The following NRG3 variants were observed in gnomAD, a reference collection of about 807,000 sequenced individuals.
NRG3 encodes pro-neuregulin-3, membrane-bound isoform.
NRG3 carries 31 observed loss-of-function variants against 66.9 expected under a neutral mutation model. The ratio of observed to expected loss-of-function variants is 0.46; its 90% confidence interval spans 0.35 to 0.63. NRG3 has a LOEUF of 0.63. NRG3 is among the 20% of genes least tolerant of loss of function. The pLI is 0.00. For missense variants in NRG3, 910 were observed against 878.9 expected (o/e 1.04, Z -0.45); for synonymous variants, 393 against 359.4 (o/e 1.09, Z -1.06).
chr10:82,532,611 A>C (rs1490387280), intron 2 of NRG3, among the ~76,000 whole-genome samples: 1 of 148,410 alleles, frequency 6.7e-6, no homozygotes, highest in African/African-American at 2.5e-5. Flanking sequence ...ATATGTATAT[A>C]GTACTATATA....
chr10:82,797,549 G>A (rs975762244), intron 3 of NRG3, among the ~76,000 whole-genome samples: 11 of 152,000 alleles, frequency 7.2e-5, no homozygotes, highest in African/African-American at 1.9e-4. Context: ...AACTCCAGAA[G>A]CATCCATCAC....
intron 3 of NRG3, among the ~76,000 whole-genome samples, chr10:82,837,896 A>G (rs1039132707): frequency 3.9e-5 from 6 of 152,208 alleles, no homozygotes; most frequent in Non-Finnish European, 7.4e-5. Context: ...TAAGGCACTT[A>G]TAGGATCATC....
chr10:81,916,462 T>A (rs1845718437), intron 1 of NRG3, among the ~76,000 whole-genome samples: 1 of 152,210 alleles, frequency 6.6e-6, no homozygotes, highest in Non-Finnish European at 1.5e-5. Context: ...GAATTTGCAG[T>A]GTAGCTTTGG....
intron 1 of NRG3, among the ~76,000 whole-genome samples, chr10:82,168,753 AT>A (rs1420274550): frequency 6.6e-6 from 1 of 152,114 alleles, no homozygotes; most frequent in Non-Finnish European, 1.5e-5. Context: ...TCTTAACCAG[AT>A]TCACAGAAGT....
chr10:82,897,742 A>G (rs1843800587), intron 4 of NRG3, among the ~76,000 whole-genome samples: 1 of 151,840 alleles, frequency 6.6e-6, no homozygotes, highest in East Asian at 1.9e-4. Context: ...CTGGTCTCGA[A>G]CTCCAGACCT....
chr10:82,703,403 A>G (rs1722348455), intron 2 of NRG3, among the ~76,000 whole-genome samples: 1 of 152,136 alleles, frequency 6.6e-6, no homozygotes, highest in South Asian at 2.1e-4. Flanking sequence ...CTTGGATAAT[A>G]CCAAAAGAAC....
intron 1 of NRG3, among the ~76,000 whole-genome samples, chr10:82,082,467 A>T (rs977609569): frequency 2.0e-4 from 30 of 152,170 alleles, no homozygotes; most frequent in African/African-American, 6.3e-4. Flanking sequence ...TGCTAGATAG[A>T]GCCTGGGAAA....
At chr10:82,593,616 G>C (rs2047106006) in intron 2 of NRG3, among the ~76,000 whole-genome samples, 1 of 151,622 alleles carries the variant, frequency 6.6e-6, no homozygotes, top group Admixed American at 6.6e-5. Context: ...CTTAATTTAA[G>C]AATGAAATGT....
At chr10:82,250,684 A>T (rs1175455233) in intron 1 of NRG3, among the ~76,000 whole-genome samples, 2 of 152,190 alleles carry the variant, frequency 1.3e-5, no homozygotes, top group African/African-American at 2.4e-5. Context: ...GCTGAATTTT[A>T]TACCATTTTA....
chr10:82,499,247 TG>T (rs1590360528), intron 2 of NRG3, among the ~76,000 whole-genome samples: 2 of 152,292 alleles, frequency 1.3e-5, no homozygotes, highest in East Asian at 3.9e-4. Flanking sequence ...AGTTTGCTTT[TG>T]TTTTTTCAAA....
chr10:82,474,119 C>T (rs1322787604), intron 2 of NRG3, among the ~76,000 whole-genome samples: 1 of 151,908 alleles, frequency 6.6e-6, no homozygotes, highest in Non-Finnish European at 1.5e-5. Context: ...ATGCCTTCTT[C>T]TGCATGGACT....
chr10:82,507,845 T>G (rs1844827834), intron 2 of NRG3, among the ~76,000 whole-genome samples: 1 of 152,236 alleles, frequency 6.6e-6, no homozygotes, highest in South Asian at 2.1e-4. Context: ...TATTTATTAT[T>G]TGTCTGTTTC....
intron 1 of NRG3, among the ~76,000 whole-genome samples, chr10:81,882,695 G>C (rs1320504054): frequency 3.9e-5 from 6 of 152,180 alleles, no homozygotes; most frequent in Admixed American, 1.3e-4. Flanking sequence ...GAGCACATCA[G>C]ACTATTGAAT....
chr10:82,323,459 A>C (rs1271086187), intron 1 of NRG3, among the ~76,000 whole-genome samples: 1 of 151,588 alleles, frequency 6.6e-6, no homozygotes, highest in African/African-American at 2.4e-5. Flanking sequence ...CATACGTGGG[A>C]TAAACCTCAC....
intron 1 of NRG3, among the ~76,000 whole-genome samples, chr10:82,294,448 T>A (rs1053673790): frequency 3.3e-4 from 50 of 151,390 alleles, no homozygotes; most frequent in Non-Finnish European, 5.9e-4. Context: ...TGTGTGTGTG[T>A]GTGTGTGTGT....
intron 8 of NRG3, 143 bp from the exon 9 acceptor site, chr10:82,984,955 A>G (rs946623500): frequency 3.2e-6 from 4 of 1,264,470 alleles, no homozygotes; most frequent in Non-Finnish European, 4.6e-6. Flanking sequence ...TTCTCTGTTT[A>G]ACTGGGAACC....
intron 1 of NRG3, among the ~76,000 whole-genome samples, chr10:82,023,553 G>A (rs1214678495): frequency 6.6e-6 from 1 of 152,020 alleles, no homozygotes; most frequent in African/African-American, 2.4e-5. Flanking sequence ...TTTGTTGAGA[G>A]TTTTCATCAT....
chr10:82,968,905 T>C (rs568218224), intron 6 of NRG3, among the ~76,000 whole-genome samples: 64 of 152,132 alleles, frequency 4.2e-4, no homozygotes, highest in African/African-American at 1.5e-3. Flanking sequence ...TGGTGGAAGG[T>C]GGAAAGCACG....
intron 1 of NRG3, among the ~76,000 whole-genome samples, chr10:82,137,218 G>T (rs1345765945): frequency 6.6e-6 from 1 of 152,168 alleles, no homozygotes; most frequent in East Asian, 1.9e-4. Flanking sequence ...AGGTGTAGAA[G>T]AAAGGAAATA....
Sources: gnomAD v4.1 joint callset for allele counts (sites outside exome capture counted in the v4.1 genomes callset) on GRCh38, gnomAD v4.1.1 for gene constraint, MANE v1.5 for transcripts, NCBI Gene and HGNC (gene_info 2026-07-23, HGNC 2026-07-21) for gene names.